The following VPS37B variants were observed in gnomAD, a reference collection of about 807,000 sequenced individuals.
VPS37B encodes vacuolar protein sorting-associated protein 37B.
Under a neutral mutation model 21.2 loss-of-function variants are expected in VPS37B, and 11 were observed. The observed-to-expected ratio is 0.52, with a 90% CI of 0.33 to 0.86. VPS37B has a LOEUF of 0.86. VPS37B is among the 40% of genes least tolerant of loss of function. VPS37B has a pLI of 0.03. For synonymous variants in VPS37B, 175 were observed against 159.6 expected (o/e 1.10, Z -0.73); for missense variants, 389 against 374.8 (o/e 1.04, Z -0.31).
intron 1 of VPS37B, chr12:122,877,740 G>C (rs947709572): frequency 6.6e-6 from 1 of 152,268 alleles, no homozygotes; most frequent in African/African-American, 2.4e-5. Context: ...ACGCCACACA[G>C]AGCTAGACCC....
intron 1 of VPS37B, chr12:122,890,038 A>T (rs1173852454): frequency 6.6e-6 from 1 of 152,194 alleles, no homozygotes; most frequent in Admixed American, 6.6e-5. Context: ...GGACATGGGG[A>T]AGAGCACACT....
rs1185570325 is a variant in VPS37B at position 122,867,601 on chromosome 12, C to T, written c.373G>A (p.Ala125Thr). Residue 125 changes from alanine (A) to threonine (T), a missense_variant, in exon 4 of 4, where the codon GCA becomes ACA. Transcript: ENST00000267202. The surrounding 1 kb of genome is among the most constrained non-coding windows in gnomAD (Gnocchi z 5.5). ...AKIEEDTENM[A>T]EKFLDGELPL... is the part of the protein sequence containing the mutation. ...AGTTCTCCATCCAGAAACTTCTCTG[C>T]CATGTTCTGAAAGAGGCAGAAACCT... 6.2e-7 allele frequency: 1 copy of T among 1,612,710 alleles called. No individual in the cohort carries two copies.
At chr12:122,885,060 C>A (rs1023283749) in intron 1 of VPS37B, 1 of 151,960 alleles carries the variant, frequency 6.6e-6, no homozygotes, top group African/African-American at 2.4e-5. Flanking sequence ...TCTTCTATTC[C>A]GTTTAAATGA....
intron 2 of VPS37B, chr12:122,870,039 C>CTTTTTT (rs34470019): frequency 2.3e-5 from 3 of 128,228 alleles, no homozygotes; most frequent in African/African-American, 2.8e-5. Context: ...TTCAGTGATG[C>CTTTTTT]TTTTTTTTTT....
intron 1 of VPS37B, chr12:122,871,760 C>T: frequency 3.1e-6 from 3 of 967,690 alleles, no homozygotes; most frequent in Non-Finnish European, 3.7e-6. Flanking sequence ...AGAGAAGAAG[C>T]CACATGCCCA....
rs531142352 is a variant in VPS37B, at chr12:122,868,076, A to G, written c.366+404T>C. Among the ~76,000 whole-genome samples, 8 of 152,338 alleles carry G rather than the reference A, an allele frequency of 5.3e-5. No homozygotes were observed. The South Asian group carries it at 1.7e-3, about 32-fold the overall frequency. On this transcript the variant is annotated intron_variant, in intron 3 of 3. Coordinates refer to ENST00000267202, the MANE Select transcript of VPS37B (RefSeq NM_024667.3). The surrounding 1 kb of genome is among the most constrained non-coding windows in gnomAD (Gnocchi z 5.5). ...GCCGGCCCCAGCCTGCAACAACTGCACAACATTCGACCTTGACTCATTTCC... is the reference window on the plus strand; with the variant it reads ...GCCGGCCCCAGCCTGCAACAACTGCGCAACATTCGACCTTGACTCATTTCC...
intron 1 of VPS37B, chr12:122,871,536 C>T: frequency 1.0e-6 from 1 of 986,002 alleles, no homozygotes; most frequent in Non-Finnish European, 1.2e-6. Flanking sequence ...GTCCAACCAG[C>T]AAGCTGAAGA....
At chr12:122,885,156 T>G (rs1211503143) in intron 1 of VPS37B, 6 of 152,080 alleles carry the variant, frequency 3.9e-5, no homozygotes, top group Admixed American at 3.9e-4. Context: ...TCTGTTGAGA[T>G]TACTCCACTG....
Position 122,866,008 on chromosome 12 carries a change from C to T in VPS37B, c.*1108G>A, listed in dbSNP as rs1457888686. 6.6e-6 allele frequency: 1 copy of T among 152,592 alleles called. No homozygotes were observed. Among genetic ancestry groups the T allele is most frequent in the Non-Finnish European group, 1.5e-5 (1 of 68,092 alleles). 9.5% of individuals were successfully genotyped at this position (152,592 alleles called of 1,614,324 possible). A position where few individuals can be genotyped will look rare whatever the true frequency, so the allele number is the denominator to read the frequency against. ...CGTTGCCCACCCTGAGGCCCAGCCA[C>T]CAGCCACCCAGGGGCAGAGGATATT... On this transcript the variant is annotated 3_prime_UTR_variant, in exon 4 of 4. Transcript: ENST00000267202.
At chr12:122,871,258 TA>T (rs2034027806) in intron 1 of VPS37B, 197 bp from the exon 2 acceptor site, 1 of 1,358,118 alleles carries the variant, frequency 7.4e-7, no homozygotes, top group African/African-American at 1.5e-5. Context: ...CTGCCCGTCG[TA>T]AAGAATGAGG....
intron 1 of VPS37B, chr12:122,881,859 G>A (rs987053349): frequency 2.6e-5 from 4 of 152,186 alleles, no homozygotes; most frequent in African/African-American, 9.7e-5. Flanking sequence ...AGAGAGATGA[G>A]TATGATGAAA....
intron 1 of VPS37B, among the ~76,000 whole-genome samples, chr12:122,892,595 T>G (rs2135714186): frequency 6.6e-6 from 1 of 152,200 alleles, no homozygotes; most frequent in South Asian, 2.1e-4. Flanking sequence ...CTATACCTAC[T>G]CAAATACATA....
intron 1 of VPS37B, among the ~76,000 whole-genome samples, chr12:122,891,793 C>T (rs1288046667): frequency 2.0e-5 from 3 of 152,172 alleles, no homozygotes; most frequent in Non-Finnish European, 4.4e-5. Context: ...GCTTTCAGCC[C>T]CCCACACAAA....
chr12:122,869,943 A>G (rs1475537738), intron 2 of VPS37B: 3 of 152,186 alleles, frequency 2.0e-5, no homozygotes, highest in African/African-American at 7.2e-5. Flanking sequence ...ATAACTATCA[A>G]AAGCACTTAG....
At chr12:122,891,722 C>G (rs1478772244) in intron 1 of VPS37B, among the ~76,000 whole-genome samples, 3 of 152,160 alleles carry the variant, frequency 2.0e-5, no homozygotes, top group Non-Finnish European at 4.4e-5. Flanking sequence ...GTTTGGGAGC[C>G]GGTCCCTGGA....
chr12:122,867,528 G>A lies in VPS37B; in HGVS notation c.446C>T (p.Ala149Val). Residue 149 changes from alanine to valine, a missense_variant, in exon 4 of 4, where the codon GCC (alanine) becomes GTC (valine). Physicochemically the swap from Ala to Val is moderately conservative, Grantham distance 64 (BLOSUM62 0). Transcript: ENST00000267202. The surrounding 1 kb of genome is among the most constrained non-coding windows in gnomAD (Gnocchi z 5.5). The stretch of plus-strand genomic sequence containing the variant: ...CTCGATTTTCACCCGTCGCATGTGG[G>A]CCAGTTTCCGTTTGCTCTGATAGAC... Reference protein sequence around the residue: ...IDVYQSKRKLAHMRRVKIEKL... With the variant: ...IDVYQSKRKLVHMRRVKIEKL... The A allele has an allele frequency of 6.2e-7, 1 of 1,614,038 alleles. No homozygotes were observed. Among genetic ancestry groups the A allele is most frequent in the Non-Finnish European group, 8.5e-7 (1 of 1,180,008 alleles).
At chr12:122,895,820 C>T in intron 1 of VPS37B, 132 bp downstream of exon 1, 2 of 739,348 alleles carry the variant, frequency 2.7e-6, no homozygotes, top group Non-Finnish European at 4.4e-6. Flanking sequence ...CCGCCCCAAG[C>T]GCCCCCATTT....
chr12:122,872,358 G>A (rs905224376), intron 1 of VPS37B: 2 of 985,342 alleles, frequency 2.0e-6, no homozygotes, highest in Admixed American at 6.2e-5. Flanking sequence ...GACAACAGCT[G>A]CACCCAGGGC....
At chr12:122,884,418 C>T (rs1444243869) in intron 1 of VPS37B, 1 of 152,218 alleles carries the variant, frequency 6.6e-6, no homozygotes, top group African/African-American at 2.4e-5. Flanking sequence ...CTTTCCAAAG[C>T]ACTCAGTTGA....
Sources: allele counts gnomAD v4.1 joint callset (sites outside exome capture counted in the v4.1 genomes callset), GRCh38; gene constraint gnomAD v4.1.1; non-coding constraint Gnocchi (gnomAD v3.1); transcripts MANE v1.5; gene names NCBI Gene and HGNC (gene_info 2026-07-23, HGNC 2026-07-21).